Variants in SLC24A3 observed in about 807,000 individuals in gnomAD.
The protein encoded by SLC24A3 is sodium/potassium/calcium exchanger 3.
A neutral mutation model predicts 75.8 loss-of-function variants in SLC24A3; 28 were observed. The ratio of observed to expected loss-of-function variants is 0.37; its 90% CI spans 0.27 to 0.51. SLC24A3 has a LOEUF of 0.51. Ranked by LOEUF, SLC24A3 falls within the 20% of genes least tolerant of loss-of-function variation. The probability of loss-of-function intolerance (pLI) is 0.94; values close to 1 mark genes in which losing one functional copy is unlikely to be tolerated. For synonymous variants in SLC24A3, 372 were observed against 334.1 expected, an observed-to-expected ratio of 1.11 and a Z score of -1.24; for missense variants, 663 against 847.8, an observed-to-expected ratio of 0.78 and a Z score of 2.71.
chr20:19,376,470 A>G (rs1986085198), intron 2 of SLC24A3, among the ~76,000 whole-genome samples: 1 of 152,176 alleles, frequency 6.6e-6, no homozygotes, highest in Admixed American at 6.5e-5. Flanking sequence ...GCGCTGCTGT[A>G]TCTGTACCGT....
chr20:19,491,903 T>C (rs1988214544), intron 2 of SLC24A3, among the ~76,000 whole-genome samples: 1 of 152,098 alleles, frequency 6.6e-6, no homozygotes, highest in South Asian at 2.1e-4. Flanking sequence ...CCTTCCTCCA[T>C]CAGTGATTAG....
intron 2 of SLC24A3, among the ~76,000 whole-genome samples, chr20:19,435,577 A>G (rs1276872072): frequency 1.3e-5 from 2 of 152,166 alleles, no homozygotes; most frequent in African/African-American, 2.4e-5. Context: ...ATCCCAGGGC[A>G]ATTAGTATGT....
chr20:19,634,510 A>G (rs2031975753), intron 6 of SLC24A3, among the ~76,000 whole-genome samples: 1 of 152,256 alleles, frequency 6.6e-6, no homozygotes, highest in Non-Finnish European at 1.5e-5. Flanking sequence ...CCTCAAAACC[A>G]GTAACATTCC....
intron 1 of SLC24A3, among the ~76,000 whole-genome samples, chr20:19,225,481 A>G (rs1429568273): frequency 6.6e-6 from 1 of 152,178 alleles, no homozygotes; most frequent in African/African-American, 2.4e-5. Flanking sequence ...TGTTAAATTG[A>G]TATCATACTA....
chr20:19,364,153 T>C (rs767841986), intron 2 of SLC24A3, among the ~76,000 whole-genome samples: 34 of 152,060 alleles, frequency 2.2e-4, no homozygotes, highest in Non-Finnish European at 4.9e-4. Flanking sequence ...AGAGGAGATA[T>C]CTGGTGTTTG....
intron 15 of SLC24A3, among the ~76,000 whole-genome samples, chr20:19,699,708 G>A (rs1242326401): frequency 6.6e-6 from 1 of 152,228 alleles, no homozygotes; most frequent in Non-Finnish European, 1.5e-5. Flanking sequence ...GAGAAGCCCA[G>A]CGTGGTCAGC....
intron 3 of SLC24A3, among the ~76,000 whole-genome samples, chr20:19,545,404 A>C (rs751060597): frequency 3.3e-5 from 5 of 152,200 alleles, no homozygotes; most frequent in African/African-American, 1.2e-4. Context: ...TGGCATCCGC[A>C]CTTGGACAGA....
chr20:19,423,209 C>T (rs925262751), intron 2 of SLC24A3, among the ~76,000 whole-genome samples: 2 of 152,192 alleles, frequency 1.3e-5, no homozygotes, highest in Non-Finnish European at 2.9e-5. Flanking sequence ...GTTCGATTTT[C>T]TCAGCCCTAC....
intron 15 of SLC24A3, among the ~76,000 whole-genome samples, chr20:19,702,394 C>T (rs552096528): frequency 1.3e-5 from 2 of 152,144 alleles, no homozygotes; most frequent in African/African-American, 4.8e-5. Context: ...TCACTCTGGT[C>T]ATTCTGCTGG....
chr20:19,312,508 A>AGTTAC lies in SLC24A3; in HGVS notation c.271+31421_271+31422insGTTAC, dbSNP rs1214356606. ...CATTCTCCACTTACCTCCTCCAGCC[A>AGTTAC]CTCTGCACAAGGGTAACTGACCATT... On this transcript the variant is annotated intron_variant, in intron 2 of 16. Coordinates refer to ENST00000328041, the MANE Select transcript of SLC24A3 (RefSeq NM_020689.4). 2.0e-4 allele frequency among the ~76,000 whole-genome samples: 30 copies of AGTTAC among 152,286 alleles called. No individual in the cohort carries two copies. The South Asian group carries it at 2.1e-3, about 11-fold the overall frequency.
rs367781560 is a variant in SLC24A3, at chr20:19,546,158, C to CAAAAAAAAAAAAAAAAAAAAAAA, written c.348+30602_348+30624dup. Among the ~76,000 whole-genome samples the CAAAAAAAAAAAAAAAAAAAAAAA allele has an allele frequency of 3.4e-4, 16 of 46,752 alleles. 2 individuals are homozygous for CAAAAAAAAAAAAAAAAAAAAAAA. Among genetic ancestry groups the CAAAAAAAAAAAAAAAAAAAAAAA allele is most frequent in the Admixed American group, 7.9e-4 (2 of 2,518 alleles). The allele number at this position is 46,752 out of a possible 152,430, so 30.7% of individuals were successfully genotyped here. A position where few individuals can be genotyped will look rare whatever the true frequency, so the allele number is the denominator to read the frequency against. On this transcript the variant is annotated intron_variant, in intron 3 of 16. Coordinates refer to ENST00000328041, the MANE Select transcript of SLC24A3 (RefSeq NM_020689.4). The stretch of plus-strand genomic sequence containing the variant: ...TGGGCGACAGAGCGAGACTCCGTCT[C>CAAAAAAAAAAAAAAAAAAAAAAA]AAAAAAAAAAAAAAAAAAAAAAAAA...
intron 3 of SLC24A3, among the ~76,000 whole-genome samples, chr20:19,556,479 G>A (rs1412668394): frequency 6.6e-6 from 1 of 151,248 alleles, no homozygotes; most frequent in South Asian, 2.1e-4. Flanking sequence ...ATACGTGTGG[G>A]TTTTCTTCCA....
chr20:19,356,934 T>A (rs1477122979), intron 2 of SLC24A3, among the ~76,000 whole-genome samples: 1 of 152,198 alleles, frequency 6.6e-6, no homozygotes, highest in Non-Finnish European at 1.5e-5. Context: ...TTGACTTCCC[T>A]GGTTACTGGT....
At chr20:19,264,076 A>G (rs1366997144) in intron 1 of SLC24A3, 1 of 150,664 alleles carries the variant, frequency 6.6e-6, no homozygotes, top group East Asian at 2.0e-4. Context: ...AAAAATGCTT[A>G]CTGTGGTGGT....
At chr20:19,719,160 A>G (rs1022398501) in intron 16 of SLC24A3, among the ~76,000 whole-genome samples, 3 of 152,098 alleles carry the variant, frequency 2.0e-5, no homozygotes, top group Admixed American at 6.5e-5. Flanking sequence ...ATGCAAAACC[A>G]TTGGTGCTAA....
intron 1 of SLC24A3, among the ~76,000 whole-genome samples, chr20:19,273,239 C>G (rs190127053): frequency 1.3e-5 from 2 of 152,138 alleles, no homozygotes; most frequent in African/African-American, 4.8e-5. Context: ...GGTGTCATGT[C>G]GGACAGGAAG....
rs569535499 is a variant in SLC24A3 at position 19,651,836 on chromosome 20, G to A, written c.613-2226G>A. Among the ~76,000 whole-genome samples, 4 of 146,838 alleles carry A rather than the reference G, an allele frequency of 2.7e-5. No homozygotes were observed. In the South Asian group the frequency reaches 6.6e-4, roughly 24 times the overall value. ...AGATCACGCCACTGCACTCCAGCCT[G>A]GGTGACAGAGAGAGACTCCATCTCA... On this transcript the variant is annotated intron_variant, in intron 6 of 16. Transcript: ENST00000328041.
chr20:19,615,617 T>C (rs1031334796), intron 6 of SLC24A3, among the ~76,000 whole-genome samples: 1 of 152,156 alleles, frequency 6.6e-6, no homozygotes, highest in African/African-American at 2.4e-5. Flanking sequence ...CGGATGATGC[T>C]AAACCATTCA....
chr20:19,550,527 G>A (rs2122598130), intron 3 of SLC24A3, among the ~76,000 whole-genome samples: 1 of 152,302 alleles, frequency 6.6e-6, no homozygotes, highest in South Asian at 2.1e-4. Flanking sequence ...ATCACAATTA[G>A]AGAAAGATAC....
Sources: allele counts gnomAD v4.1 joint callset (sites outside exome capture counted in the v4.1 genomes callset), GRCh38; gene constraint gnomAD v4.1.1; transcripts MANE v1.5; gene names NCBI Gene and HGNC (gene_info 2026-07-23, HGNC 2026-07-21).